GALNT13: variants seen among roughly 807,000 people sequenced by gnomAD.
The protein encoded by GALNT13 is UDP-GalNAc:polypeptide N-acetylgalactosaminyltransferase 13.
Under a neutral mutation model 64.2 loss-of-function variants are expected in GALNT13, and 28 were observed. That is an observed-to-expected ratio of 0.44 (90% CI 0.32 to 0.60). The LOEUF is 0.60. Ranked by LOEUF, GALNT13 falls within the 20% of genes least tolerant of loss-of-function variation. The pLI, the probability that GALNT13 is intolerant of heterozygous loss-of-function variation, is 0.05. For missense variants in GALNT13, 577 were observed against 669.8 expected (o/e 0.86, Z 1.53); for synonymous variants, 214 against 224.6 (o/e 0.95, Z 0.42).
the GALNT13 span, among the ~76,000 whole-genome samples, chr2:153,488,359 G>C: frequency 6.6e-6 from 1 of 152,196 alleles, no homozygotes; most frequent in East Asian, 1.9e-4. Context: ...CGCAGTCCTT[G>C]CTAGGGTGTT....
intron 9 of GALNT13, among the ~76,000 whole-genome samples, chr2:154,367,936 G>A (rs960096319): frequency 5.9e-5 from 9 of 152,118 alleles, no homozygotes; most frequent in African/African-American, 2.2e-4. Flanking sequence ...TATGATTTAT[G>A]ATAATAGAGA....
chr2:153,359,596 T>G, the GALNT13 span, among the ~76,000 whole-genome samples: 3 of 110,832 alleles, frequency 2.7e-5, no homozygotes, highest in African/African-American at 1.1e-4. Flanking sequence ...TCACCTGAGC[T>G]GGACACAATG....
chr2:154,053,460 T>G (rs2105351700), intron 3 of GALNT13, among the ~76,000 whole-genome samples: 1 of 152,240 alleles, frequency 6.6e-6, no homozygotes, highest in Admixed American at 6.5e-5. Context: ...TTTAACATTT[T>G]ATGACCTAAA....
At chr2:153,912,716 T>A (rs529554782) in intron 2 of GALNT13, among the ~76,000 whole-genome samples, 1 of 152,310 alleles carries the variant, frequency 6.6e-6, no homozygotes, top group South Asian at 2.1e-4. Flanking sequence ...GTTTTCTAAT[T>A]CTGGGTGACT....
At chr2:153,897,650 A>G (rs1687972503) in intron 1 of GALNT13, among the ~76,000 whole-genome samples, 2 of 151,962 alleles carry the variant, frequency 1.3e-5, no homozygotes, top group African/African-American at 2.4e-5. Flanking sequence ...CTGATCCACT[A>G]ATGTTTTCTT....
At chr2:154,364,037 C>G (rs1697225363) in intron 9 of GALNT13, among the ~76,000 whole-genome samples, 1 of 152,070 alleles carries the variant, frequency 6.6e-6, no homozygotes, top group South Asian at 2.1e-4. Flanking sequence ...AAAAATCACA[C>G]AGGTTATATA....
upstream of GALNT13, among the ~76,000 whole-genome samples, chr2:153,869,731 T>C (rs1574006795): frequency 6.6e-6 from 1 of 152,310 alleles, no homozygotes; most frequent in African/African-American, 2.4e-5. Context: ...CTATAGTATA[T>C]TATAAAAACA....
At chr2:153,905,805 A>G (rs1043864656) in intron 2 of GALNT13, among the ~76,000 whole-genome samples, 6 of 152,028 alleles carry the variant, frequency 3.9e-5, no homozygotes, top group African/African-American at 1.4e-4. Context: ...CAAATTGCCA[A>G]CATCACCAGT....
the GALNT13 span, among the ~76,000 whole-genome samples, chr2:153,398,158 T>G: frequency 6.1e-5 from 9 of 148,358 alleles, no homozygotes; most frequent in African/African-American, 2.2e-4. Context: ...CACCTATGAG[T>G]GAGAATATAC....
the GALNT13 span, among the ~76,000 whole-genome samples, chr2:153,585,327 A>C: frequency 2.6e-4 from 39 of 152,196 alleles, no homozygotes; most frequent in African/African-American, 8.9e-4. Context: ...AAGGAGAAGA[A>C]AGAATTTCAG....
chr2:153,268,947 A>G, the GALNT13 span, among the ~76,000 whole-genome samples: 1 of 152,182 alleles, frequency 6.6e-6, no homozygotes, highest in Non-Finnish European at 1.5e-5. Flanking sequence ...AGCTAGACAC[A>G]TGGAATCATT....
the GALNT13 span, among the ~76,000 whole-genome samples, chr2:153,283,616 A>C: frequency 6.6e-6 from 1 of 151,994 alleles, no homozygotes; most frequent in African/African-American, 2.4e-5. Context: ...CTTCACCACG[A>C]TCTCTTCACA....
the GALNT13 span, among the ~76,000 whole-genome samples, chr2:153,512,389 C>T: frequency 5.9e-5 from 9 of 152,298 alleles, no homozygotes; most frequent in Admixed American, 2.0e-4. Context: ...GAAGTAAAAA[C>T]AGCCATGCTT....
chr2:154,314,065 G>T (rs1559085430), intron 9 of GALNT13, among the ~76,000 whole-genome samples: 1 of 152,044 alleles, frequency 6.6e-6, no homozygotes. Flanking sequence ...ATGGATTTTT[G>T]GTCAGTAGTT....
chr2:154,124,324 A>C (rs1365160514), intron 3 of GALNT13, among the ~76,000 whole-genome samples: 1 of 152,080 alleles, frequency 6.6e-6, no homozygotes, highest in Admixed American at 6.5e-5. Flanking sequence ...TAGTCTTTGA[A>C]CAATGGATTC....
intron 2 of GALNT13, among the ~76,000 whole-genome samples, chr2:153,923,949 A>G (rs1375459062): frequency 2.0e-5 from 3 of 152,056 alleles, no homozygotes; most frequent in East Asian, 3.9e-4. Flanking sequence ...ATTGATGGAC[A>G]TTTGGGTTGG....
chr2:153,613,411 A>G, the GALNT13 span, among the ~76,000 whole-genome samples: 2 of 152,068 alleles, frequency 1.3e-5, no homozygotes, highest in Non-Finnish European at 2.9e-5. Flanking sequence ...TTTTCTGGAT[A>G]TTACATTTGA....
At chr2:153,489,980 T>C in the GALNT13 span, among the ~76,000 whole-genome samples, 1 of 147,872 alleles carries the variant, frequency 6.8e-6, no homozygotes, top group Non-Finnish European at 1.5e-5. Flanking sequence ...GGCCCTGTTT[T>C]ACACACACAC....
chr2:153,965,116 G>C (rs953380936), intron 3 of GALNT13, among the ~76,000 whole-genome samples: 14 of 152,126 alleles, frequency 9.2e-5, no homozygotes, highest in African/African-American at 3.4e-4. Context: ...GTGATATTTT[G>C]ATACAAGCAT....
Sources: gnomAD v4.1 joint callset for allele counts (sites outside exome capture counted in the v4.1 genomes callset) on GRCh38, gnomAD v4.1.1 for gene constraint, MANE v1.5 for transcripts, NCBI Gene and HGNC (gene_info 2026-07-23, HGNC 2026-07-21) for gene names.